PXDNL: variants seen among roughly 807,000 people sequenced by gnomAD.
PXDNL encodes the protein probable oxidoreductase PXDNL.
Under a neutral mutation model 150.8 loss-of-function variants are expected in PXDNL, and 145 were observed. The observed-to-expected ratio is 0.96, with a 90% CI of 0.84 to 1.10. The LOEUF (loss-of-function observed/expected upper bound fraction) is 1.10, where lower values mean the gene tolerates loss of function less well. Among genes scored for constraint, PXDNL ranks in the 50% least tolerant of loss-of-function variants. The probability of loss-of-function intolerance (pLI) is 0.00; values close to 1 mark genes in which losing one functional copy is unlikely to be tolerated. For synonymous variants in PXDNL, 757 were observed against 725.7 expected, an observed-to-expected ratio of 1.04 and a Z score of -0.69; for missense variants, 2,087 against 1,873.9, an observed-to-expected ratio of 1.11 and a Z score of -2.10.
At chr8:51,701,643 G>A (rs760798871) in intron 1 of PXDNL, among the ~76,000 whole-genome samples, 4 of 152,038 alleles carry the variant, frequency 2.6e-5, no homozygotes. Context: ...TAATTAAATC[G>A]ATTACCAAAA....
chr8:51,613,350 C>G (rs1814058681), intron 2 of PXDNL, among the ~76,000 whole-genome samples: 1 of 151,838 alleles, frequency 6.6e-6, no homozygotes, highest in South Asian at 2.1e-4. Flanking sequence ...GATCTCAGGA[C>G]TGAGATAAGG....
intron 3 of PXDNL, among the ~76,000 whole-genome samples, chr8:51,578,005 GGAAGGAAGGA>G (rs1563471244): frequency 3.4e-3 from 251 of 74,614 alleles, no homozygotes; most frequent in Non-Finnish European, 4.0e-3. Context: ...GAAAGAGGAA[GGAAGGAAGGA>G]AGGAAGGAAG....
intron 17 of PXDNL, among the ~76,000 whole-genome samples, chr8:51,391,342 G>C (rs986649543): frequency 2.6e-5 from 4 of 152,160 alleles, no homozygotes; most frequent in African/African-American, 7.2e-5. Context: ...GGTTGAACTA[G>C]TTTACAGTCC....
intron 2 of PXDNL, among the ~76,000 whole-genome samples, chr8:51,628,255 A>T (rs1814403651): frequency 6.6e-6 from 1 of 152,078 alleles, no homozygotes; most frequent in Non-Finnish European, 1.5e-5. Flanking sequence ...ACAGAGTTGT[A>T]AATGGTCTGG....
At chr8:51,661,904 A>T (rs1039218745) in intron 1 of PXDNL, among the ~76,000 whole-genome samples, 2 of 151,550 alleles carry the variant, frequency 1.3e-5, no homozygotes, top group Non-Finnish European at 2.9e-5. Flanking sequence ...ACAATGGCTA[A>T]AGCAGCACTT....
chr8:51,336,588 A>G (rs1309537140), intron 21 of PXDNL, among the ~76,000 whole-genome samples: 1 of 152,158 alleles, frequency 6.6e-6, no homozygotes, highest in African/African-American at 2.4e-5. Context: ...CCACTCTACT[A>G]TAGTTGCACC....
Position 51,739,053 on chromosome 8 carries a change from T to C in PXDNL, c.164+70128A>G, listed in dbSNP as rs529659005. Among the ~76,000 whole-genome samples the C allele has an allele frequency of 4.6e-5, 7 of 152,214 alleles. No individual in the cohort carries two copies. The South Asian group carries it at 1.5e-3, about 32-fold the overall frequency. On this transcript the variant is annotated intron_variant, in intron 1 of 22. Coordinates refer to ENST00000356297, the MANE Select transcript of PXDNL (RefSeq NM_144651.5). ...GGAATTATATATTTCCCACGACCAATTGAAATTTATTTCAAGTGCACAGGC... is the reference window on the plus strand; with the variant it reads ...GGAATTATATATTTCCCACGACCAACTGAAATTTATTTCAAGTGCACAGGC...
intron 1 of PXDNL, among the ~76,000 whole-genome samples, chr8:51,761,382 T>A (rs1294749376): frequency 6.6e-6 from 1 of 152,158 alleles, no homozygotes; most frequent in Non-Finnish European, 1.5e-5. Flanking sequence ...GAGAAATAAT[T>A]TCTGCTATAA....
At chr8:51,640,063 A>G (rs1049999810) in intron 2 of PXDNL, among the ~76,000 whole-genome samples, 1 of 152,238 alleles carries the variant, frequency 6.6e-6, no homozygotes, top group South Asian at 2.1e-4. Flanking sequence ...GCAAATCAAT[A>G]CATGTAATCC....
At chr8:51,415,931 A>G (rs906402931) in intron 14 of PXDNL, among the ~76,000 whole-genome samples, 1 of 152,222 alleles carries the variant, frequency 6.6e-6, no homozygotes, top group Non-Finnish European at 1.5e-5. Context: ...ACATAGCTAC[A>G]TTAGTCTGCT....
chr8:51,382,599 T>C (rs1012661120), intron 17 of PXDNL, among the ~76,000 whole-genome samples: 4 of 152,188 alleles, frequency 2.6e-5, no homozygotes, highest in Non-Finnish European at 5.9e-5. Context: ...AATTTTTTAA[T>C]AGGCTTGATT....
rs1257692642 is a variant in PXDNL, at chr8:51,744,269, A to AAAGG, written c.164+64908_164+64911dup. Among the ~76,000 whole-genome samples the AAAGG allele has an allele frequency of 3.6e-5, 4 of 110,172 alleles. No individual in the cohort carries two copies. In the South Asian group the frequency reaches 1.2e-3, roughly 32 times the overall value. 72.3% of individuals were successfully genotyped at this position (110,172 alleles called of 152,430 possible). On this transcript the variant is annotated intron_variant, in intron 1 of 22. Transcript: ENST00000356297. ...AGAGGAAAAGAAAGAAAAGAGAAAG[A>AAAGG]AAGGAAGGAAGGAAGGAAAGAAGGA...
At position 51,408,481 on chromosome 8, in the gene PXDNL, A is replaced by G; in HGVS notation, c.3143T>C (p.Phe1048Ser). 1.2e-6 allele frequency: 2 copies of G among 1,613,786 alleles called. No homozygotes were observed. Among genetic ancestry groups the G allele is most frequent in the South Asian group, 2.2e-5 (2 of 91,032 alleles). The change falls in exon 17 of 23, where the codon TTT becomes TCT. Residue 1048 changes from phenylalanine to serine, a missense_variant. Physicochemically the swap from Phe to Ser is radical, Grantham distance 155. Transcript: ENST00000356297. ...GCCAAATCTAAAGGCTGCAGTAGCAAAAGAGTTAATGATGCCTGCATTCAC... is the reference window on the plus strand; with the variant it reads ...GCCAAATCTAAAGGCTGCAGTAGCAGAAGAGTTAATGATGCCTGCATTCAC... Reference protein sequence around the residue: ...PNVNAGIINSFATAAFRFGHT... With the variant: ...PNVNAGIINSSATAAFRFGHT...
At chr8:51,774,243 T>A (rs2037328462) in intron 1 of PXDNL, among the ~76,000 whole-genome samples, 1 of 152,304 alleles carries the variant, frequency 6.6e-6, no homozygotes, top group East Asian at 1.9e-4. Flanking sequence ...GAGGCGAATA[T>A]CAAAACAGTT....
chr8:51,784,181 G>T (rs903627673), intron 1 of PXDNL, among the ~76,000 whole-genome samples: 9 of 152,152 alleles, frequency 5.9e-5, no homozygotes, highest in African/African-American at 2.2e-4. Context: ...GCAAGAGGTG[G>T]ACATATTTGA....
Position 51,483,690 on chromosome 8 carries a change from A to G in PXDNL, c.477T>C (p.Ser159=). The change falls in exon 6 of 23, where the codon TCT becomes TCC. Residue 159 remains serine, a synonymous_variant. Transcript: ENST00000356297. ...TAGAAAAGCTCCCAGCTGGAATTTT[A>G]GATAATTTGTTGTTATGCAAAAATC... is the stretch of plus-strand genomic sequence containing the variant. ...ERLFLHNNKL[S]KIPAGSFSNL... The G allele has an allele frequency of 6.6e-7, 1 of 1,515,318 alleles. No individual in the cohort carries two copies. The highest frequency in any genetic ancestry group is 2.5e-5 in the East Asian group (1 of 40,672). The allele number at this position is 1,515,318 out of a possible 1,614,324, so 93.9% of individuals were successfully genotyped here.
chr8:51,673,185 T>A (rs1174284879), intron 1 of PXDNL, among the ~76,000 whole-genome samples: 1 of 152,200 alleles, frequency 6.6e-6, no homozygotes, highest in South Asian at 2.1e-4. Context: ...ACATCAATAT[T>A]TAATGATGTG....
At chr8:51,732,050 G>GA (rs1816944270) in intron 1 of PXDNL, among the ~76,000 whole-genome samples, 1 of 152,154 alleles carries the variant, frequency 6.6e-6, no homozygotes, top group Admixed American at 6.5e-5. Context: ...TTTATCCTCA[G>GA]AAAATGGGTT....
intron 5 of PXDNL, among the ~76,000 whole-genome samples, chr8:51,498,044 A>G (rs1223353815): frequency 2.6e-5 from 4 of 152,100 alleles, no homozygotes; most frequent in African/African-American, 4.8e-5. Context: ...ATGTCCAACA[A>G]TGATAGACTG....
Sources: allele counts gnomAD v4.1 joint callset (sites outside exome capture counted in the v4.1 genomes callset), GRCh38; gene constraint gnomAD v4.1.1; transcripts MANE v1.5; gene names NCBI Gene and HGNC (gene_info 2026-07-23, HGNC 2026-07-21).